GRIN2A: variants seen among roughly 807,000 people sequenced by gnomAD.
GRIN2A encodes glutamate receptor ionotropic, NMDA 2A.
Under a neutral mutation model 113.4 loss-of-function variants are expected in GRIN2A, and 22 were observed. The ratio of observed to expected loss-of-function variants is 0.19; its 90% confidence interval spans 0.14 to 0.28. GRIN2A has a LOEUF of 0.28. GRIN2A is among the 10% of genes least tolerant of loss of function. GRIN2A has a pLI of 1.00. For missense variants in GRIN2A, 1,502 were observed against 1,887.0 expected, an observed-to-expected ratio of 0.80 and a Z score of 3.78; for synonymous variants, 827 against 738.4, an observed-to-expected ratio of 1.12 and a Z score of -1.94.
At chr16:9,834,770 A>G (rs1324900596) in intron 7 of GRIN2A, among the ~76,000 whole-genome samples, 1 of 152,246 alleles carries the variant, frequency 6.6e-6, no homozygotes, top group Admixed American at 6.5e-5. Context: ...TAATAAAAAT[A>G]GAGAAGAGCA....
intron 10 of GRIN2A, among the ~76,000 whole-genome samples, chr16:9,802,929 G>A (rs1903453989): frequency 6.6e-6 from 1 of 152,124 alleles, no homozygotes. Flanking sequence ...TTAGGGAGCA[G>A]GACTCTGGGT....
intron 11 of GRIN2A, among the ~76,000 whole-genome samples, chr16:9,779,807 T>A (rs977669096): frequency 6.6e-6 from 1 of 152,104 alleles, no homozygotes; most frequent in African/African-American, 2.4e-5. Context: ...TTCCCAAGTC[T>A]AAGGCACCAG....
At position 9,918,387 on chromosome 16, in the gene GRIN2A, C is replaced by T. The variant is rs959620459; in HGVS notation, c.1007+19572G>A. Among the ~76,000 whole-genome samples, 3 of 152,232 alleles carry T rather than the reference C, an allele frequency of 2.0e-5. No individual in the cohort carries two copies. The East Asian group carries it at 5.8e-4, about 29-fold the overall frequency. On this transcript the variant is annotated intron_variant, in intron 3 of 12. Transcript: ENST00000330684. ...CCTATGATAAAGTTCATGAATTAGG[C>T]ACTGTAGGAGATTAACAACAATTAT...
chr16:9,981,837 A>G (rs2045898105), intron 2 of GRIN2A, among the ~76,000 whole-genome samples: 1 of 152,172 alleles, frequency 6.6e-6, no homozygotes, highest in Admixed American at 6.5e-5. Flanking sequence ...CCCAGGCTGG[A>G]GTGCAGGGGT....
intron 2 of GRIN2A, among the ~76,000 whole-genome samples, chr16:10,084,171 G>T (rs1229323635): frequency 6.6e-6 from 1 of 152,160 alleles, no homozygotes; most frequent in Non-Finnish European, 1.5e-5. Flanking sequence ...TTAGAACCTG[G>T]TGACATGTCT....
chr16:9,975,401 GAGA>G (rs1475977032), intron 2 of GRIN2A, among the ~76,000 whole-genome samples: 1 of 152,208 alleles, frequency 6.6e-6, no homozygotes, highest in South Asian at 2.1e-4. Flanking sequence ...AGAAGTAGCA[GAGA>G]AGAAGTCAGA....
intron 2 of GRIN2A, among the ~76,000 whole-genome samples, chr16:10,152,020 T>C (rs1226431156): frequency 6.6e-6 from 1 of 152,174 alleles, no homozygotes; most frequent in Admixed American, 6.5e-5. Context: ...GCTCTTGTCC[T>C]TCGTCCTGAG....
chr16:10,123,000 A>G (rs1317676082), intron 2 of GRIN2A, among the ~76,000 whole-genome samples: 1 of 152,242 alleles, frequency 6.6e-6, no homozygotes, highest in Non-Finnish European at 1.5e-5. Flanking sequence ...TGAGGACCTA[A>G]TAAAGAACTA....
intron 2 of GRIN2A, among the ~76,000 whole-genome samples, chr16:10,032,463 CT>C (rs2046947808): frequency 6.6e-6 from 1 of 152,090 alleles, no homozygotes. Flanking sequence ...CTTTTAGCGC[CT>C]TTTGCATTAT....
intron 2 of GRIN2A, among the ~76,000 whole-genome samples, chr16:9,988,033 T>TA (rs2046012263): frequency 1.3e-5 from 2 of 152,246 alleles, no homozygotes; most frequent in East Asian, 1.9e-4. Flanking sequence ...CTGCAGCTTG[T>TA]AAAAAATAAG....
In GRIN2A at chr16:9,798,350, A is replaced by G. The variant is rs759271923; in HGVS notation, c.2283T>C (p.Tyr761=). 2.0e-5 allele frequency: 32 copies of G among 1,613,968 alleles called. No homozygotes were observed. Among genetic ancestry groups the G allele is most frequent in the Non-Finnish European group, 2.6e-5 (31 of 1,179,984 alleles). Residue 761 remains tyrosine, a synonymous_variant, in exon 11 of 13, where the codon TAT becomes TAC. Transcript: ENST00000330684. ...GAGAGCCTTTCTGAAGGGCAATTCC[A>G]TAACCGGTGGTGGCAAAGATGTACC... ...GSGYIFATTG[Y]GIALQKGSPW... is the part of the protein sequence containing the mutation.
chr16:9,824,859 C>G (rs180733468), intron 9 of GRIN2A, among the ~76,000 whole-genome samples: 34 of 152,140 alleles, frequency 2.2e-4, no homozygotes, highest in Admixed American at 2.1e-3. Context: ...TGACCTACAG[C>G]GTGAAAAACA....
Position 9,789,540 on chromosome 16 carries a change from T to C in GRIN2A, c.2356+8737A>G, listed in dbSNP as rs1354562285. Among the ~76,000 whole-genome samples the C allele has an allele frequency of 5.5e-5, 8 of 146,276 alleles. No homozygotes were observed. The Admixed American group carries it at 5.6e-4, about 10-fold the overall frequency. ...AAAACAAACCTTGGTTGATAAGATA[T>C]ATGAAACATACATACACACACACAC... On this transcript the variant is annotated intron_variant, in intron 11 of 12. Transcript: ENST00000330684.
chr16:10,058,571 T>C (rs913603125), intron 2 of GRIN2A, among the ~76,000 whole-genome samples: 1 of 152,258 alleles, frequency 6.6e-6, no homozygotes, highest in African/African-American at 2.4e-5. Context: ...CTGCTATTAC[T>C]GTGATTTCTT....
intron 2 of GRIN2A, among the ~76,000 whole-genome samples, chr16:10,174,900 T>C (rs947378185): frequency 6.6e-5 from 10 of 151,324 alleles, no homozygotes; most frequent in African/African-American, 2.4e-4. Context: ...ATATATATAG[T>C]ACAGTCATGT....
At chr16:10,113,102 G>T (rs186970082) in intron 2 of GRIN2A, among the ~76,000 whole-genome samples, 1 of 151,582 alleles carries the variant, frequency 6.6e-6, no homozygotes, top group African/African-American at 2.4e-5. Flanking sequence ...GCCTGGGGGC[G>T]CCCCCCAGCC....
chr16:10,039,808 G>GGCGAGAGAGAGAGAGAGA (rs1555469298), intron 2 of GRIN2A, among the ~76,000 whole-genome samples: 1 of 63,812 alleles, frequency 1.6e-5, no homozygotes, highest in Non-Finnish European at 2.9e-5. Flanking sequence ...GGGAGGGGGG[G>GGCGAGAGAGAGAGAGAGA]GAGAAAGAGA....
chr16:10,057,822 A>G (rs1456681325), intron 2 of GRIN2A, among the ~76,000 whole-genome samples: 2 of 152,230 alleles, frequency 1.3e-5, no homozygotes, highest in East Asian at 3.8e-4. Flanking sequence ...ACCTATTTTT[A>G]GCGTGGTCCT....
intron 2 of GRIN2A, among the ~76,000 whole-genome samples, chr16:10,055,994 G>A (rs2047451474): frequency 6.6e-6 from 1 of 152,092 alleles, no homozygotes; most frequent in South Asian, 2.1e-4. Context: ...CTCCAGGCTG[G>A]ATATTGCACC....
Sources: gnomAD v4.1 joint callset for allele counts (sites outside exome capture counted in the v4.1 genomes callset) on GRCh38, gnomAD v4.1.1 for gene constraint, MANE v1.5 for transcripts, NCBI Gene and HGNC (gene_info 2026-07-23, HGNC 2026-07-21) for gene names.